The following VPS11 variants were observed in gnomAD, a reference collection of about 807,000 sequenced individuals.
VPS11 encodes the protein vacuolar protein sorting-associated protein 11 homolog.
Under a neutral mutation model 106.8 loss-of-function variants are expected in VPS11, and 51 were observed. That is an observed-to-expected ratio of 0.48 (90% CI 0.38 to 0.60). VPS11 has a LOEUF of 0.60. VPS11 is among the 20% of genes least tolerant of loss of function. The pLI is 0.00. For missense variants in VPS11, 950 were observed against 1,190.0 expected (o/e 0.80, Z 2.97); for synonymous variants, 453 against 458.7 (o/e 0.99, Z 0.16).
At chr11:119,070,596 A>T (rs1025561988) in intron 4 of VPS11, 199 bp downstream of exon 4, 13 of 474,700 alleles carry the variant, frequency 2.7e-5, no homozygotes, top group Middle Eastern at 5.9e-4. Flanking sequence ...TAGTAAAAAG[A>T]TGTGAATTTT....
intron 7 of VPS11, among the ~76,000 whole-genome samples, chr11:119,074,697 G>C (rs183810727): frequency 1.1e-3 from 172 of 152,308 alleles, no homozygotes; most frequent in Middle Eastern, 6.8e-3. Context: ...GAGCCACAGT[G>C]CCTGGCCTTT....
chr11:119,076,400 C>G (rs1421401795), intron 7 of VPS11, among the ~76,000 whole-genome samples: 2 of 151,800 alleles, frequency 1.3e-5, no homozygotes, highest in African/African-American at 4.8e-5. Context: ...GTGGCACATG[C>G]CTGTAATCCC....
In VPS11 at chr11:119,067,829, G is replaced by C. The variant is rs936049444; in HGVS notation, c.6G>C (p.Ala2=). 6.5e-7 allele frequency: 1 copy of C among 1,542,794 alleles called. No homozygotes were observed. M[A]AYLQWRRFVF... ...GGTGGGAGCCCTGGGCCAAAATGGCGGCCTACCTGCAGTGGCGGCGCTTCG... is the reference window on the plus strand; with the variant it reads ...GGTGGGAGCCCTGGGCCAAAATGGCCGCCTACCTGCAGTGGCGGCGCTTCG... The change falls in exon 1 of 16, where the codon GCG becomes GCC. Residue 2 remains alanine, a synonymous_variant. Coordinates refer to ENST00000621676, the MANE Select transcript of VPS11 (RefSeq NM_021729.6).
At chr11:119,077,118 C>T (rs1249208218) in intron 8 of VPS11, 35 bp downstream of exon 8, 2 of 1,591,326 alleles carry the variant, frequency 1.3e-6, no homozygotes, top group South Asian at 2.3e-5. Flanking sequence ...GTCTTGGAGG[C>T]CCCACTGAGC....
rs1448756864 is a variant in VPS11 at position 119,073,300 on chromosome 11, T to C, written c.987T>C (p.Asp329=). The change falls in exon 6 of 16, where the codon GAT becomes GAC. Residue 329 remains aspartate (D), a synonymous_variant. Coordinates refer to ENST00000621676, the MANE Select transcript of VPS11 (RefSeq NM_021729.6). ...KFIAYSTVFE[D]VVDVLAEWGS... ...TAGCCTATAGCACCGTCTTTGAGGA[T>C]GTAGTGGATGTGCTTGCTGAGTGGG... is the stretch of plus-strand genomic sequence containing the variant. 1 of 1,614,022 alleles carries C rather than the reference T, an allele frequency of 6.2e-7. No individual in the cohort carries two copies. The highest frequency in any genetic ancestry group is 1.1e-5 in the South Asian group (1 of 91,082).
At chr11:119,078,528 C>G (rs1345654506) in intron 11 of VPS11, 37 bp from the exon 12 acceptor site, 1 of 1,598,252 alleles carries the variant, frequency 6.3e-7, no homozygotes, top group Admixed American at 1.7e-5. Flanking sequence ...GTGATTTTCC[C>G]CTTTTGTCCA....
At chr11:119,069,044 G>A in intron 1 of VPS11, 152 bp from the exon 2 acceptor site, 2 of 524,966 alleles carry the variant, frequency 3.8e-6, no homozygotes, top group Non-Finnish European at 5.9e-6. Flanking sequence ...ACAGGTGTGA[G>A]TCACCGCGCC....
In VPS11 at chr11:119,069,343, T is replaced by C; in HGVS notation, c.335T>C (p.Leu112Ser). The C allele has an allele frequency of 1.9e-6, 3 of 1,613,990 alleles. No individual in the cohort carries two copies. The highest frequency in any genetic ancestry group is 2.5e-6 in the Non-Finnish European group (3 of 1,179,890). Residue 112 changes from leucine (L) to serine (S), a missense_variant and splice_region_variant, in exon 2 of 16, where the codon TTG becomes TCG. Leu to Ser is a moderately radical substitution (Grantham distance 145). Coordinates refer to ENST00000621676, the MANE Select transcript of VPS11 (RefSeq NM_021729.6). Reference sequence around the variant, plus strand: ...GAAGATGAAGAGGGCATCAACCCCTTGGTGAGTCCCAGCAGGGAAATGGGA... The same window carrying C: ...GAAGATGAAGAGGGCATCAACCCCTCGGTGAGTCCCAGCAGGGAAATGGGA... Reference protein sequence around the residue: ...VGEDEEGINPLVKIWNLEKRD... With the variant: ...VGEDEEGINPSVKIWNLEKRD...
intron 3 of VPS11, 56 bp from the exon 4 acceptor site, chr11:119,070,178 T>G: frequency 6.5e-7 from 1 of 1,538,518 alleles, no homozygotes; most frequent in Non-Finnish European, 8.8e-7. Context: ...TTTTTTCCCC[T>G]CTCCACTTCC....
At position 119,069,473 on chromosome 11, in the gene VPS11, G is replaced by A; in HGVS notation, c.368G>A (p.Gly123Asp). 6.2e-7 allele frequency: 1 copy of A among 1,614,000 alleles called. No individual in the cohort carries two copies. The highest frequency in any genetic ancestry group is 8.5e-7 in the Non-Finnish European group (1 of 1,179,900). Residue 123 changes from glycine to aspartate, a missense_variant, in exon 3 of 16, where the codon GGT becomes GAT. Transcript: ENST00000621676. ...VKIWNLEKRD[G>D]GNPLCTRIFP... ...ATCTGGAACCTGGAGAAGAGAGATG[G>A]TGGCAATCCACTCTGCACTCGAATC...
chr11:119,078,689 A>T lies in VPS11; in HGVS notation c.2048A>T (p.Tyr683Phe), dbSNP rs1388399762. ...TTCCAGGATGGTGTCCTTTACCTTTATGAGCAGGGGAAGCTGTAAGAGTTT... is the reference window on the plus strand; with the variant it reads ...TTCCAGGATGGTGTCCTTTACCTTTTTGAGCAGGGGAAGCTGTAAGAGTTT... ...HDFQDGVLYL[Y>F]EQGKLFQQIM... Residue 683 changes from tyrosine (Y) to phenylalanine (F), a missense_variant, in exon 12 of 16, where the codon TAT becomes TTT. Coordinates refer to ENST00000621676, the MANE Select transcript of VPS11 (RefSeq NM_021729.6). The T allele has an allele frequency of 1.2e-6, 2 of 1,612,200 alleles. No individual in the cohort carries two copies. Among genetic ancestry groups the T allele is most frequent in the Non-Finnish European group, 1.7e-6 (2 of 1,178,806 alleles).
At position 119,075,264 on chromosome 11, in the gene VPS11, C is replaced by CAA. The variant is rs533933871; in HGVS notation, c.1238+1323_1238+1324dup. ...CCTGGGTATCAGAGCAGGACTGTCT[C>CAA]AAAAAAAAAAAGTTTGTCTAAGGCT... is the stretch of plus-strand genomic sequence containing the variant. On this transcript the variant is annotated intron_variant, in intron 7 of 15. Transcript: ENST00000621676. Among the ~76,000 whole-genome samples the CAA allele has an allele frequency of 7.4e-4, 107 of 144,356 alleles. No homozygotes were observed. In the East Asian group the frequency reaches 0.014, roughly 19 times the overall value. 94.7% of individuals were successfully genotyped at this position (144,356 alleles called of 152,430 possible). A position where few individuals can be genotyped will look rare whatever the true frequency, so the allele number is the denominator to read the frequency against.
chr11:119,071,935 A>G (rs932597202), intron 5 of VPS11, 92 bp downstream of exon 5: 103 of 1,492,580 alleles, frequency 6.9e-5, no homozygotes, highest in Middle Eastern at 2.5e-4. Flanking sequence ...GATACTGCCA[A>G]TCTCCTACTC....
chr11:119,081,548 C>G lies in VPS11; in HGVS notation c.2751C>G (p.Pro917=), dbSNP rs1194373232. 6.2e-7 allele frequency: 1 copy of G among 1,613,904 alleles called. No homozygotes were observed. Among genetic ancestry groups the G allele is most frequent in the Non-Finnish European group, 8.5e-7 (1 of 1,179,904 alleles). Reference sequence around the variant, plus strand: ...AATTGACTCTGCTGACCGACCCTCCCACAGCCAGACTGACCTCCAGCCTGG... The same window carrying G: ...AATTGACTCTGCTGACCGACCCTCCGACAGCCAGACTGACCTCCAGCCTGG... ...FNKLTLLTDP[P]TARLTSSLEA... is the part of the protein sequence containing the mutation. The change falls in exon 16 of 16, where the codon CCC becomes CCG. Residue 917 remains proline (P), a synonymous_variant. Transcript: ENST00000621676.
intron 6 of VPS11, 78 bp downstream of exon 6, chr11:119,073,477 G>A (rs1945478583): frequency 1.3e-6 from 2 of 1,524,714 alleles, no homozygotes; most frequent in Non-Finnish European, 8.9e-7. Context: ...AGTCATATTG[G>A]CCAGGGTGTT....
intron 5 of VPS11, 147 bp downstream of exon 5, chr11:119,071,990 A>C: frequency 1.2e-6 from 1 of 860,774 alleles, no homozygotes; most frequent in Non-Finnish European, 1.7e-6. Context: ...TTTTTTTTTG[A>C]GATGGAGTCT....
chr11:119,078,772 G>T (rs782517597), intron 12 of VPS11, 23 bp from the exon 13 acceptor site: 1 of 1,611,016 alleles, frequency 6.2e-7, no homozygotes, highest in Non-Finnish European at 8.5e-7. Flanking sequence ...AGCCACTGAG[G>T]TGTGCCCTTG....
intron 3 of VPS11, among the ~76,000 whole-genome samples, chr11:119,069,826 C>T (rs1945299631): frequency 6.6e-6 from 1 of 151,870 alleles, no homozygotes; most frequent in South Asian, 2.1e-4. Flanking sequence ...TGGAGAAACC[C>T]CATCTCTACT....
rs782599007 is a variant in VPS11, at chr11:119,081,280, A to T, written c.2627A>T (p.Gln876Leu). Reference sequence around the variant, plus strand: ...ATGGATATGATCCGGGCCCAGGAACAGAAACGAGATCTCCATGATCAATTC... The same window carrying T: ...ATGGATATGATCCGGGCCCAGGAACTGAAACGAGATCTCCATGATCAATTC... ...KVMDMIRAQE[Q>L]KRDLHDQFQH... is the part of the protein sequence containing the mutation. The change falls in exon 15 of 16, where the codon CAG becomes CTG. Residue 876 changes from glutamine to leucine, a missense_variant. Around this residue, in one of 3 missense-constraint regions of VPS11, gnomAD observed 453 missense variants for 514.6 expected, o/e 0.88. Transcript: ENST00000621676. 6.2e-7 allele frequency: 1 copy of T among 1,614,034 alleles called. No individual in the cohort carries two copies. Among genetic ancestry groups the T allele is most frequent in the South Asian group, 1.1e-5 (1 of 91,088 alleles).
Sources: allele counts gnomAD v4.1 joint callset (sites outside exome capture counted in the v4.1 genomes callset), GRCh38; gene constraint gnomAD v4.1.1; regional missense constraint gnomAD v4.1.1; transcripts MANE v1.5; gene names NCBI Gene and HGNC (gene_info 2026-07-23, HGNC 2026-07-21).